Variants in DAB1 observed in about 807,000 individuals in gnomAD.
DAB1 encodes the protein DAB adaptor protein 1, also known as disabled homolog 1.
DAB1 carries 15 observed loss-of-function variants against 64.6 expected under a neutral mutation model. The ratio of observed to expected loss-of-function variants is 0.23; its 90% confidence interval spans 0.16 to 0.36. The LOEUF (loss-of-function observed/expected upper bound fraction) is 0.36. Among genes scored for constraint, DAB1 ranks in the 10% least tolerant of loss-of-function variants. The pLI is 1.00. For synonymous variants in DAB1, 235 were observed against 251.9 expected (o/e 0.93, Z 0.64); for missense variants, 596 against 706.7 (o/e 0.84, Z 1.78).
intron 4 of DAB1, among the ~76,000 whole-genome samples, chr1:57,099,448 A>G (rs1209472623): frequency 6.6e-6 from 1 of 152,248 alleles, no homozygotes; most frequent in Non-Finnish European, 1.5e-5. Context: ...CGGGTACTCA[A>G]TAAATGTTTG....
At chr1:58,221,705 T>C (rs1230510310) in intron 4 of DAB1, among the ~76,000 whole-genome samples, 1 of 152,234 alleles carries the variant, frequency 6.6e-6, no homozygotes, top group Non-Finnish European at 1.5e-5. Flanking sequence ...TGGCATAGTG[T>C]GCAGGCAGGT....
intron 7 of DAB1, among the ~76,000 whole-genome samples, chr1:57,633,148 T>TTG (rs1646011504): frequency 6.6e-6 from 1 of 152,190 alleles, no homozygotes; most frequent in Non-Finnish European, 1.5e-5. Context: ...GTCACTTTAG[T>TTG]TGTGGCTTGA....
intron 6 of DAB1, among the ~76,000 whole-genome samples, chr1:57,739,855 C>T (rs912413098): frequency 6.6e-6 from 1 of 151,766 alleles, no homozygotes; most frequent in Admixed American, 6.6e-5. Flanking sequence ...AGAATCTAGT[C>T]AAATTTTTTG....
intron 3 of DAB1, among the ~76,000 whole-genome samples, chr1:58,361,170 C>A (rs1194862767): frequency 1.3e-5 from 2 of 152,210 alleles, no homozygotes; most frequent in Non-Finnish European, 1.5e-5. Flanking sequence ...AGACCATGGG[C>A]CCCTGCAGCA....
chr1:57,721,559 T>C (rs890393558), intron 6 of DAB1, among the ~76,000 whole-genome samples: 1 of 152,228 alleles, frequency 6.6e-6, no homozygotes, highest in Non-Finnish European at 1.5e-5. Context: ...AGAGAGGTTG[T>C]CATTTCCTCA....
chr1:57,408,310 T>C (rs1683820843), intron 1 of DAB1, among the ~76,000 whole-genome samples: 1 of 152,166 alleles, frequency 6.6e-6, no homozygotes, highest in African/African-American at 2.4e-5. Flanking sequence ...AGGCAGCATA[T>C]ACTACACCAC....
intron 5 of DAB1, among the ~76,000 whole-genome samples, chr1:57,951,332 A>ATATATATATATATATATATATATATAT (rs1491577001): frequency 8.6e-5 from 11 of 127,706 alleles, no homozygotes; most frequent in Admixed American, 1.8e-4. Context: ...ATATATATAT[A>ATATATATATATATATATATATATATAT]CTTCCCTGGA....
intron 4 of DAB1, among the ~76,000 whole-genome samples, chr1:58,337,822 C>T (rs1169056339): frequency 6.6e-6 from 1 of 152,144 alleles, no homozygotes; most frequent in Admixed American, 6.5e-5. Context: ...TCATTGCAGT[C>T]ACATGGTAGG....
chr1:58,324,018 A>G (rs1300055550), intron 4 of DAB1, among the ~76,000 whole-genome samples: 1 of 152,140 alleles, frequency 6.6e-6, no homozygotes, highest in Non-Finnish European at 1.5e-5. Context: ...TTACATTTCA[A>G]AATTTTCTTA....
chr1:57,659,138 G>A (rs548978641), intron 6 of DAB1, among the ~76,000 whole-genome samples: 9 of 152,182 alleles, frequency 5.9e-5, no homozygotes, highest in African/African-American at 1.7e-4. Flanking sequence ...CCACAGGGCC[G>A]CCTACCACAT....
At chr1:57,964,061 C>T (rs572957927) in intron 5 of DAB1, among the ~76,000 whole-genome samples, 21 of 152,244 alleles carry the variant, frequency 1.4e-4, no homozygotes, top group African/African-American at 4.6e-4. Flanking sequence ...GCTGTTTGGG[C>T]CCCCTGTGAA....
chr1:57,054,578 C>T (rs552231523), intron 9 of DAB1, among the ~76,000 whole-genome samples: 8 of 149,980 alleles, frequency 5.3e-5, no homozygotes, highest in East Asian at 2.0e-4. Context: ...CCCGGGTTCA[C>T]GCCATTCTCC....
At chr1:58,289,591 T>G (rs1661767985) in intron 4 of DAB1, among the ~76,000 whole-genome samples, 1 of 152,208 alleles carries the variant, frequency 6.6e-6, no homozygotes, top group Admixed American at 6.5e-5. Flanking sequence ...GGACTTAAAC[T>G]TCTAGATCAA....
intron 2 of DAB1, among the ~76,000 whole-genome samples, chr1:57,158,551 G>T (rs1031847947): frequency 6.6e-6 from 1 of 152,142 alleles, no homozygotes; most frequent in African/African-American, 2.4e-5. Context: ...CCTATTGTCT[G>T]TTAGGCTATC....
chr1:57,776,276 C>T (rs989453174), intron 6 of DAB1, among the ~76,000 whole-genome samples: 1 of 117,220 alleles, frequency 8.5e-6, no homozygotes, highest in African/African-American at 3.2e-5. Flanking sequence ...AAATATAGTG[C>T]AAATATTCCA....
rs1557427577 is a variant in DAB1, at chr1:57,695,276, G to GA, written n.552-45612_552-45611insT. Among the ~76,000 whole-genome samples the GA allele has an allele frequency of 3.1e-4, 37 of 118,414 alleles. 4 individuals are homozygous for GA. Among genetic ancestry groups the GA allele is most frequent in the African/African-American group, 1.1e-3 (34 of 31,178 alleles). 77.7% of individuals were successfully genotyped at this position (118,414 alleles called of 152,430 possible). ...AAGAAAGAAGGAAGGAAGGAAGGAA[G>GA]GAAGGAAGAAAGGGAGAGAGAAGGA... On this transcript the variant is annotated intron_variant and non_coding_transcript_variant, in intron 6 of 20. Transcript: ENST00000485760.
intron 1 of DAB1, among the ~76,000 whole-genome samples, chr1:57,356,844 A>G (rs143473713): frequency 2.0e-5 from 3 of 152,102 alleles, no homozygotes; most frequent in East Asian, 3.9e-4. Flanking sequence ...AATAGACCAC[A>G]TGCATCTTAA....
chr1:58,498,703 G>A (rs1645846606), intron 3 of DAB1, among the ~76,000 whole-genome samples: 1 of 152,080 alleles, frequency 6.6e-6, no homozygotes, highest in African/African-American at 2.4e-5. Flanking sequence ...TTTTGAACTA[G>A]TTGTAACATA....
chr1:57,507,790 G>A (rs1236570131), intron 7 of DAB1, among the ~76,000 whole-genome samples: 5 of 152,096 alleles, frequency 3.3e-5, no homozygotes, highest in Non-Finnish European at 5.9e-5. Context: ...CTGAATTTCC[G>A]TGGTCGGTTC....
Sources: gnomAD v4.1 joint callset for allele counts (sites outside exome capture counted in the v4.1 genomes callset) on GRCh38, gnomAD v4.1.1 for gene constraint, MANE v1.5 for transcripts, NCBI Gene and HGNC (gene_info 2026-07-23, HGNC 2026-07-21) for gene names.